ADGRB3: variants seen among roughly 807,000 people sequenced by gnomAD.
ADGRB3 encodes brain-specific angiogenesis inhibitor 3.
Under a neutral mutation model 193.4 loss-of-function variants are expected in ADGRB3, and 37 were observed. The observed-to-expected ratio is 0.19, with a 90% CI of 0.15 to 0.25. The LOEUF (loss-of-function observed/expected upper bound fraction) is 0.25. Ranked by LOEUF, ADGRB3 falls within the 10% of genes least tolerant of loss-of-function variation. The pLI, the probability that ADGRB3 is intolerant of heterozygous loss-of-function variation, is 1.00. For synonymous variants in ADGRB3, 690 were observed against 644.2 expected (o/e 1.07, Z -1.08); for missense variants, 1,637 against 1,852.9 (o/e 0.88, Z 2.14).
chr6:69,075,959 C>T, intron 16 of ADGRB3, 36 bp from the exon 17 acceptor site: 2 of 1,527,072 alleles, frequency 1.3e-6, no homozygotes, highest in Non-Finnish European at 1.8e-6. Flanking sequence ...TATATGTACT[C>T]AAGATATATG....
intron 17 of ADGRB3, among the ~76,000 whole-genome samples, chr6:69,140,975 T>C (rs1774320572): frequency 1.3e-5 from 2 of 151,972 alleles, no homozygotes; most frequent in Admixed American, 1.3e-4. Context: ...TCTCCCCTAA[T>C]GGAGCTTTCA....
At chr6:68,672,537 C>T (rs1768990304) in intron 3 of ADGRB3, among the ~76,000 whole-genome samples, 2 of 151,956 alleles carry the variant, frequency 1.3e-5, no homozygotes, top group African/African-American at 4.8e-5. Flanking sequence ...ATGGATAAGG[C>T]CCTTTTATAT....
chr6:69,313,147 A>C (rs117869905), intron 20 of ADGRB3, among the ~76,000 whole-genome samples: 28 of 151,992 alleles, frequency 1.8e-4, no homozygotes, highest in Non-Finnish European at 2.9e-4. Flanking sequence ...CTGGATGCAC[A>C]TTAGAATCAC....
intron 17 of ADGRB3, among the ~76,000 whole-genome samples, chr6:69,085,568 A>G (rs1381819992): frequency 2.0e-5 from 3 of 151,404 alleles, no homozygotes; most frequent in Non-Finnish European, 4.4e-5. Flanking sequence ...GACTCAGACT[A>G]ATTTTTTTTT....
chr6:69,052,264 C>T (rs1043352791), intron 15 of ADGRB3, among the ~76,000 whole-genome samples: 1 of 152,098 alleles, frequency 6.6e-6, no homozygotes, highest in African/African-American at 2.4e-5. Flanking sequence ...AATGTTTGTA[C>T]TATGAAAATA....
At chr6:68,966,900 A>T (rs898775202) in intron 8 of ADGRB3, among the ~76,000 whole-genome samples, 1 of 152,232 alleles carries the variant, frequency 6.6e-6, no homozygotes, top group Non-Finnish European at 1.5e-5. Flanking sequence ...GAATTCATAA[A>T]GATGAGATGG....
In ADGRB3 at chr6:69,309,823, G is replaced by A. The variant is rs532308712; in HGVS notation, c.2815-15049G>A. On this transcript the variant is annotated intron_variant, in intron 20 of 31. Transcript: ENST00000370598. ...ACTACTGCCACGCTTCACCTCTGAA[G>A]GCAAAAATGTGTGGAAAAGAAGATA... Among the ~76,000 whole-genome samples, 4 of 151,690 alleles carry A rather than the reference G, an allele frequency of 2.6e-5. No homozygotes were observed. In the East Asian group the frequency reaches 7.8e-4, roughly 30 times the overall value.
At chr6:68,840,369 C>CTTTTTTTTTTTTTTTTTTTTTTTTTTTT (rs752625602) in intron 3 of ADGRB3, among the ~76,000 whole-genome samples, 2 of 69,426 alleles carry the variant, frequency 2.9e-5, no homozygotes, top group Non-Finnish European at 2.4e-5. Context: ...ACTGGGCAGT[C>CTTTTTTTTTTTTTTTTTTTTTTTTTTTT]TTTTTTTTTT....
chr6:69,376,739 G>A (rs950066043), intron 30 of ADGRB3, among the ~76,000 whole-genome samples: 20 of 151,894 alleles, frequency 1.3e-4, no homozygotes, highest in East Asian at 5.8e-4. Context: ...TTCTTCCTGC[G>A]CCATCCCTGA....
At chr6:69,243,523 G>A (rs930422650) in intron 20 of ADGRB3, among the ~76,000 whole-genome samples, 2 of 151,846 alleles carry the variant, frequency 1.3e-5, no homozygotes, top group Admixed American at 1.3e-4. Flanking sequence ...ATGGGATATA[G>A]GCCACAATGG....
chr6:68,679,346 A>T (rs547707406), intron 3 of ADGRB3, among the ~76,000 whole-genome samples: 96 of 152,028 alleles, frequency 6.3e-4, no homozygotes, highest in Non-Finnish European at 1.2e-3. Context: ...TTCCTTGTGG[A>T]TCTGCACCCT....
intron 19 of ADGRB3, among the ~76,000 whole-genome samples, chr6:69,235,989 T>G (rs1023735895): frequency 1.3e-5 from 2 of 151,884 alleles, no homozygotes; most frequent in Non-Finnish European, 2.9e-5. Flanking sequence ...TATTAGTATA[T>G]AGAAAATTAC....
At chr6:68,867,822 G>T (rs528177912) in intron 3 of ADGRB3, among the ~76,000 whole-genome samples, 2 of 152,304 alleles carry the variant, frequency 1.3e-5, no homozygotes, top group African/African-American at 4.8e-5. Context: ...TTTCAGACTT[G>T]CAAGGGGCCT....
chr6:68,642,900 G>T (rs1279463380), intron 3 of ADGRB3, among the ~76,000 whole-genome samples: 2 of 151,718 alleles, frequency 1.3e-5, no homozygotes, highest in Admixed American at 1.3e-4. Flanking sequence ...ATCTTTAATT[G>T]TCCTGAGGTC....
At chr6:68,812,054 T>A (rs1436232974) in intron 3 of ADGRB3, among the ~76,000 whole-genome samples, 1 of 152,164 alleles carries the variant, frequency 6.6e-6, no homozygotes, top group African/African-American at 2.4e-5. Context: ...TTCTCAGAAT[T>A]TGAACAGGGT....
At chr6:69,189,166 C>T (rs1561946804) in intron 17 of ADGRB3, among the ~76,000 whole-genome samples, 1 of 152,138 alleles carries the variant, frequency 6.6e-6, no homozygotes, top group East Asian at 1.9e-4. Context: ...CTGGGAATAA[C>T]ATATGAATGT....
intron 15 of ADGRB3, among the ~76,000 whole-genome samples, chr6:69,051,915 G>A (rs1771405957): frequency 6.6e-6 from 1 of 151,802 alleles, no homozygotes; most frequent in Non-Finnish European, 1.5e-5. Context: ...TTTTTTTTGA[G>A]ACGGAGTCTC....
intron 3 of ADGRB3, among the ~76,000 whole-genome samples, chr6:68,641,963 AT>A (rs1561980301): frequency 6.6e-6 from 1 of 152,092 alleles, no homozygotes; most frequent in African/African-American, 2.4e-5. Flanking sequence ...TGTACTAATC[AT>A]ATCTCATTTT....
intron 17 of ADGRB3, among the ~76,000 whole-genome samples, chr6:69,220,465 G>GA (rs1034681588): frequency 6.6e-6 from 1 of 152,108 alleles, no homozygotes; most frequent in Non-Finnish European, 1.5e-5. Context: ...AACCAGAGCT[G>GA]AAAGTAGTCA....
Sources: allele counts gnomAD v4.1 joint callset (sites outside exome capture counted in the v4.1 genomes callset), GRCh38; gene constraint gnomAD v4.1.1; transcripts MANE v1.5; gene names NCBI Gene and HGNC (gene_info 2026-07-23, HGNC 2026-07-21).